Variants in CPNE5 observed in about 807,000 individuals in gnomAD.
The protein encoded by CPNE5 is copine-5.
In CPNE5, 42 loss-of-function variants were observed where a neutral mutation model predicts 81.1. The observed-to-expected ratio is 0.52, with a 90% CI of 0.40 to 0.67. The LOEUF (loss-of-function observed/expected upper bound fraction) is 0.67. Among genes scored for constraint, CPNE5 ranks in the 30% least tolerant of loss-of-function variants. The probability of loss-of-function intolerance (pLI) is 0.00; values close to 1 mark genes in which losing one functional copy is unlikely to be tolerated. For missense variants in CPNE5, 612 were observed against 815.5 expected (o/e 0.75, Z 3.04); for synonymous variants, 313 against 321.5 (o/e 0.97, Z 0.28).
chr6:36,759,334 GGGGGCCAGCGCCACCTA>G (rs1194970235), intron 12 of CPNE5, among the ~76,000 whole-genome samples: 1 of 151,980 alleles, frequency 6.6e-6, no homozygotes, highest in Admixed American at 6.6e-5. Context: ...ATCCCATGCA[GGGGGCCAGCGCCACCTA>G]GGGGCCAGCC....
intron 7 of CPNE5, among the ~76,000 whole-genome samples, chr6:36,792,767 G>A (rs1769217762): frequency 6.6e-6 from 1 of 152,114 alleles, no homozygotes; most frequent in Non-Finnish European, 1.5e-5. Context: ...CTTCGGCTGG[G>A]GCTCCACTCA....
At chr6:36,787,781 G>A (rs1412919361) in intron 8 of CPNE5, among the ~76,000 whole-genome samples, 6 of 152,196 alleles carry the variant, frequency 3.9e-5, no homozygotes, top group African/African-American at 1.4e-4. Flanking sequence ...GCAGGAGAGA[G>A]ATGAGGCACA....
chr6:36,818,534 A>T (rs2150578214), intron 3 of CPNE5, among the ~76,000 whole-genome samples: 1 of 152,288 alleles, frequency 6.6e-6, no homozygotes, highest in South Asian at 2.1e-4. Context: ...CTGTATAATG[A>T]ATATTTACTA....
intron 14 of CPNE5, among the ~76,000 whole-genome samples, chr6:36,750,941 A>AGCCTAGT (rs1268343375): frequency 6.6e-6 from 1 of 152,244 alleles, no homozygotes; most frequent in Non-Finnish European, 1.5e-5. Flanking sequence ...TACTCGCAGC[A>AGCCTAGT]GCCTAGTGTC....
At chr6:36,786,054 G>A (rs960760920) in intron 8 of CPNE5, among the ~76,000 whole-genome samples, 4 of 150,986 alleles carry the variant, frequency 2.6e-5, no homozygotes, top group East Asian at 1.9e-4. Flanking sequence ...GAAGGACCAC[G>A]GTACATTTAT....
At chr6:36,744,239 A>C (rs765889577) in intron 19 of CPNE5, 29 bp downstream of exon 19, 5 of 1,557,778 alleles carry the variant, frequency 3.2e-6, no homozygotes, top group Middle Eastern at 1.7e-4. Flanking sequence ...TAGGGAAGGA[A>C]AGGAGGGGAA....
chr6:36,830,315 C>T (rs1269830432), intron 1 of CPNE5, among the ~76,000 whole-genome samples: 2 of 152,230 alleles, frequency 1.3e-5, no homozygotes, highest in Non-Finnish European at 2.9e-5. Context: ...CCTCTCGGAG[C>T]TGCTCCCAAA....
At chr6:36,769,077 G>T (rs2150433149) in intron 10 of CPNE5, among the ~76,000 whole-genome samples, 1 of 152,260 alleles carries the variant, frequency 6.6e-6, no homozygotes, top group Non-Finnish European at 1.5e-5. Flanking sequence ...CATGCTTCTT[G>T]AAAATATCAG....
intron 10 of CPNE5, among the ~76,000 whole-genome samples, chr6:36,767,147 C>T (rs555955231): frequency 2.6e-5 from 4 of 152,338 alleles, no homozygotes; most frequent in South Asian, 2.1e-4. Context: ...TGAGCCACGG[C>T]GCCCGGCCTC....
At position 36,751,309 on chromosome 6, in the gene CPNE5, C is replaced by T. The variant is rs564900529; in HGVS notation, c.971+1725G>A. On this transcript the variant is annotated intron_variant, in intron 14 of 20. Coordinates refer to ENST00000244751, the MANE Select transcript of CPNE5 (RefSeq NM_020939.2). ...GTCTCCATCTTCATCCCACCCCACC[C>T]GCTAACTGCAAGTCAGGCAGGCTAG... Among the ~76,000 whole-genome samples, 10 of 152,328 alleles carry T rather than the reference C, an allele frequency of 6.6e-5. No individual in the cohort carries two copies. The East Asian group carries it at 1.5e-3, about 23-fold the overall frequency.
At chr6:36,815,817 T>C (rs1293839399) in intron 3 of CPNE5, among the ~76,000 whole-genome samples, 1 of 152,240 alleles carries the variant, frequency 6.6e-6, no homozygotes, top group African/African-American at 2.4e-5. Context: ...CTGAGTGCTT[T>C]GGCAGGGACA....
chr6:36,803,027 C>G (rs1473222282), intron 3 of CPNE5, among the ~76,000 whole-genome samples: 1 of 152,156 alleles, frequency 6.6e-6, no homozygotes, highest in Non-Finnish European at 1.5e-5. Flanking sequence ...TGTACCCCAG[C>G]CTGAGCGACA....
rs1764121555 is a variant in CPNE5 at position 36,746,021 on chromosome 6, T to A, written c.1200+375A>T. 1 of 271,534 alleles carries A rather than the reference T, an allele frequency of 3.7e-6. No homozygotes were observed. Among genetic ancestry groups the A allele is most frequent in the Non-Finnish European group, 5.6e-6 (1 of 177,258 alleles). The allele number at this position is 271,534 out of a possible 1,614,324, so 16.8% of individuals were successfully genotyped here. A position where few individuals can be genotyped will look rare whatever the true frequency, so the allele number is the denominator to read the frequency against. ...TGCCCAGATGACGCCATGCTCCACA[T>A]CACCCTGGAGATCCACGTCATCCCA... On this transcript the variant is annotated intron_variant, in intron 16 of 20. Transcript: ENST00000244751. The surrounding 1 kb of genome is among the most constrained non-coding windows in gnomAD (Gnocchi z 4.5).
At chr6:36,758,273 T>C (rs1449211490) in intron 12 of CPNE5, among the ~76,000 whole-genome samples, 1 of 152,202 alleles carries the variant, frequency 6.6e-6, no homozygotes, top group Non-Finnish European at 1.5e-5. Context: ...AAGTATTATC[T>C]ATACGTGTCT....
chr6:36,828,143 G>A (rs1413289907), intron 1 of CPNE5, among the ~76,000 whole-genome samples: 1 of 151,946 alleles, frequency 6.6e-6, no homozygotes, highest in African/African-American at 2.4e-5. Flanking sequence ...TAAAGGAGGG[G>A]CCACAGGGTA....
At chr6:36,744,666 A>G (rs1320546233) in intron 18 of CPNE5, 4 of 476,700 alleles carry the variant, frequency 8.4e-6, no homozygotes, top group Non-Finnish European at 1.5e-5. Context: ...CTCCCCTCCC[A>G]CTCCTTTGAC....
At chr6:36,805,524 A>T (rs1770514361) in intron 3 of CPNE5, among the ~76,000 whole-genome samples, 1 of 152,220 alleles carries the variant, frequency 6.6e-6, no homozygotes, top group Admixed American at 6.5e-5. Flanking sequence ...TGCATGCAGG[A>T]TGTGATGCAG....
chr6:36,802,133 C>T lies in CPNE5; in HGVS notation c.184-2063G>A, dbSNP rs1047010207. On this transcript the variant is annotated intron_variant, in intron 3 of 20. Transcript: ENST00000244751. ...ACTCAGGAGGCTGAAGCAGGAGAAT[C>T]GCTTGAACCCAGGAGGCGGAGGTTG... 2.9e-5 allele frequency among the ~76,000 whole-genome samples: 4 copies of T among 136,566 alleles called. No individual in the cohort carries two copies. The East Asian group carries it at 9.4e-4, about 32-fold the overall frequency. 89.6% of individuals were successfully genotyped at this position (136,566 alleles called of 152,430 possible).
intron 1 of CPNE5, among the ~76,000 whole-genome samples, chr6:36,835,759 G>A (rs931271107): frequency 6.6e-6 from 1 of 150,856 alleles, no homozygotes; most frequent in African/African-American, 2.4e-5. Context: ...TCGCGCCTTT[G>A]CACTCCAGCA....
Sources: gnomAD v4.1 joint callset for allele counts (sites outside exome capture counted in the v4.1 genomes callset) on GRCh38, gnomAD v4.1.1 for gene constraint, Gnocchi (gnomAD v3.1) non-coding constraint, MANE v1.5 for transcripts, NCBI Gene and HGNC (gene_info 2026-07-23, HGNC 2026-07-21) for gene names.